The following DDX1 variants were observed in gnomAD, a reference collection of about 807,000 sequenced individuals.
The protein encoded by DDX1 is ATP-dependent RNA helicase DDX1.
Under a neutral mutation model 108.7 loss-of-function variants are expected in DDX1, and 28 were observed. The ratio of observed to expected loss-of-function variants is 0.26; its 90% confidence interval spans 0.19 to 0.35. The LOEUF (loss-of-function observed/expected upper bound fraction) is 0.35, where lower values mean the gene tolerates loss of function less well. DDX1 is among the 10% of genes least tolerant of loss of function. The pLI, the probability that DDX1 is intolerant of heterozygous loss-of-function variation, is 1.00. For missense variants in DDX1, 710 were observed against 884.5 expected, an observed-to-expected ratio of 0.80 and a Z score of 2.50; for synonymous variants, 295 against 288.9, an observed-to-expected ratio of 1.02 and a Z score of -0.21.
intron 9 of DDX1, 71 bp from the exon 10 acceptor site, chr2:15,604,366 A>G (rs1464733128): frequency 1.0e-6 from 1 of 969,810 alleles, no homozygotes; most frequent in Non-Finnish European, 1.6e-6. Context: ...CATACTTTTG[A>G]TGCAGCTATA....
rs1194913876 is a variant in DDX1, at chr2:15,623,658, C to G, written c.1594+76C>G. The stretch of plus-strand genomic sequence containing the variant: ...ATTATTAATCTCATGTTGATGCAAT[C>G]TAGAACACATGCACAGAATTTAAAG... On this transcript the variant is annotated intron_variant, in intron 19 of 25. Coordinates refer to ENST00000233084, the MANE Select transcript of DDX1 (RefSeq NM_004939.3). The G allele has an allele frequency of 2.4e-6, 3 of 1,241,030 alleles. No individual in the cohort carries two copies. The East Asian group carries it at 7.0e-5, about 29-fold the overall frequency. 76.9% of individuals were successfully genotyped at this position (1,241,030 alleles called of 1,614,324 possible). A position where few individuals can be genotyped will look rare whatever the true frequency, so the allele number is the denominator to read the frequency against.
At chr2:15,598,816 A>G (rs182316878) in intron 5 of DDX1, among the ~76,000 whole-genome samples, 186 of 152,350 alleles carry the variant, frequency 1.2e-3, no homozygotes, top group African/African-American at 4.4e-3. Context: ...ATACGTATAC[A>G]TACATCTTAA....
chr2:15,611,486 C>T lies in DDX1; in HGVS notation c.957-1738C>T, dbSNP rs1461981092. Among the ~76,000 whole-genome samples the T allele has an allele frequency of 4.4e-3, 633 of 142,882 alleles. 6 individuals are homozygous for T. In the East Asian group the frequency reaches 0.048, roughly 11 times the overall value. The allele number at this position is 142,882 out of a possible 152,430, so 93.7% of individuals were successfully genotyped here. A position where few individuals can be genotyped will look rare whatever the true frequency, so the allele number is the denominator to read the frequency against. ...CCGGGCAGAGGCTCCCCCCACCTCC[C>T]GGACGGGGCGGCTGGCCGGGCAGGG... On this transcript the variant is annotated intron_variant, in intron 13 of 25. Transcript: ENST00000233084.
chr2:15,615,023 T>C (rs1309182486), intron 14 of DDX1, among the ~76,000 whole-genome samples: 2 of 152,254 alleles, frequency 1.3e-5, no homozygotes, highest in Admixed American at 1.3e-4. Flanking sequence ...TACCAGAGCA[T>C]TCTTTGCAGA....
intron 17 of DDX1, among the ~76,000 whole-genome samples, chr2:15,620,628 T>C (rs1484265514): frequency 6.6e-6 from 1 of 152,204 alleles, no homozygotes; most frequent in Middle Eastern, 3.2e-3. Context: ...ACAGTCTTTA[T>C]AAGTAAATAA....
At chr2:15,627,340 A>T (rs1430306080) in intron 20 of DDX1, 195 bp downstream of exon 20, 1 of 442,812 alleles carries the variant, frequency 2.3e-6, no homozygotes, top group Non-Finnish European at 4.0e-6. Flanking sequence ...TACATTCTCT[A>T]TCAGCATAAC....
At chr2:15,596,671 G>A in intron 3 of DDX1, 63 bp from the exon 4 acceptor site, 1 of 1,363,672 alleles carries the variant, frequency 7.3e-7, no homozygotes, top group Non-Finnish European at 1.0e-6. Flanking sequence ...ATACTATGGT[G>A]TTAGTTTGAT....
At chr2:15,602,749 G>T in intron 7 of DDX1, 118 bp downstream of exon 7, 1 of 732,240 alleles carries the variant, frequency 1.4e-6, no homozygotes. Context: ...GCCCGGGCTG[G>T]AGGGCCCGGG....
At chr2:15,593,164 C>G (rs1024668249) in intron 1 of DDX1, among the ~76,000 whole-genome samples, 1 of 152,088 alleles carries the variant, frequency 6.6e-6, no homozygotes, top group Non-Finnish European at 1.5e-5. Flanking sequence ...TCAGGTGATC[C>G]GCTCACCTCG....
chr2:15,627,208 C>T (rs558808279), intron 20 of DDX1, 63 bp downstream of exon 20: 9 of 936,696 alleles, frequency 9.6e-6, no homozygotes, highest in Middle Eastern at 2.3e-4. Flanking sequence ...TAGTTTTAAG[C>T]AGTTTTAATT....
chr2:15,630,923 A>T lies in DDX1; in HGVS notation c.*17A>T. 1 of 1,612,594 alleles carries T rather than the reference A, an allele frequency of 6.2e-7. No homozygotes were observed. The highest frequency in any genetic ancestry group is 1.3e-5 in the African/African-American group (1 of 75,018). On this transcript the variant is annotated 3_prime_UTR_variant, in exon 26 of 26. Transcript: ENST00000233084. ...ACCTTCTGATTTTTACATTTACTGA[A>T]TAAGATTTGAGTAATGAAAGTCTGT...
At chr2:15,593,886 C>G (rs1054015694) in intron 1 of DDX1, among the ~76,000 whole-genome samples, 10 of 151,858 alleles carry the variant, frequency 6.6e-5, no homozygotes, top group African/African-American at 2.2e-4. Context: ...ACCATCCTGG[C>G]TAACACAGTG....
chr2:15,631,031 T>A lies in DDX1; in HGVS notation c.*125T>A. ...TAAGCTATTAATGCTAACTCTTGCA[T>A]GTCAAGAAACATTAGTCTTAGGAAT... On this transcript the variant is annotated 3_prime_UTR_variant, in exon 26 of 26. Transcript: ENST00000233084. 1.2e-6 allele frequency: 1 copy of A among 832,104 alleles called. No homozygotes were observed. The highest frequency in any genetic ancestry group is 1.7e-6 in the Non-Finnish European group (1 of 576,144). 51.5% of individuals were successfully genotyped at this position (832,104 alleles called of 1,614,324 possible).
intron 6 of DDX1, among the ~76,000 whole-genome samples, chr2:15,601,792 T>C (rs1193063037): frequency 6.6e-6 from 1 of 152,240 alleles, no homozygotes; most frequent in Non-Finnish European, 1.5e-5. Context: ...TAACAGTTTG[T>C]TCTACTTTCA....
At chr2:15,605,392 T>G (rs1012995487) in intron 10 of DDX1, among the ~76,000 whole-genome samples, 13 of 152,082 alleles carry the variant, frequency 8.5e-5, no homozygotes, top group Non-Finnish European at 1.9e-4. Context: ...AGGAAGTGTT[T>G]GAAGGATCAG....
At chr2:15,596,125 G>A (rs1351567194) in intron 3 of DDX1, among the ~76,000 whole-genome samples, 4 of 152,104 alleles carry the variant, frequency 2.6e-5, no homozygotes, top group East Asian at 1.9e-4. Context: ...AGCCTCAAGC[G>A]ATCCTCCTGT....
At chr2:15,630,740 T>C (rs1281472672) in intron 25 of DDX1, 36 bp from the exon 26 acceptor site, 1 of 1,590,858 alleles carries the variant, frequency 6.3e-7, no homozygotes, top group South Asian at 1.1e-5. Context: ...TTCAAGCATG[T>C]CATTTACATT....
chr2:15,627,004 C>T (rs554840532), intron 19 of DDX1, 50 bp from the exon 20 acceptor site: 1 of 1,264,064 alleles, frequency 7.9e-7, no homozygotes, highest in East Asian at 2.3e-5. Flanking sequence ...TTTACATAGT[C>T]TTAGGCAGAA....
intron 13 of DDX1, among the ~76,000 whole-genome samples, chr2:15,608,665 T>TTTG (rs1553341678): frequency 0.027 from 3,281 of 120,344 alleles, 57 homozygotes; most frequent in Non-Finnish European, 0.031. Context: ...TTTTTTAGGT[T>TTTG]TTTTTTTTTT....
Sources: gnomAD v4.1 joint callset for allele counts (sites outside exome capture counted in the v4.1 genomes callset) on GRCh38, gnomAD v4.1.1 for gene constraint, MANE v1.5 for transcripts, NCBI Gene and HGNC (gene_info 2026-07-23, HGNC 2026-07-21) for gene names.